The following TEX15 variants were observed in gnomAD, a reference collection of about 807,000 sequenced individuals.
The protein encoded by TEX15 is testis expressed 15, meiosis and synapsis associated.
TEX15 carries 171 observed loss-of-function variants against 237.3 expected under a neutral mutation model. That is an observed-to-expected ratio of 0.72 (90% CI 0.64 to 0.82). The LOEUF (loss-of-function observed/expected upper bound fraction) is 0.82, where lower values mean the gene tolerates loss of function less well. TEX15 is among the 40% of genes least tolerant of loss of function. The pLI is 0.00. For synonymous variants in TEX15, 1,338 were observed against 1,269.8 expected (o/e 1.05, Z -1.14); for missense variants, 3,750 against 3,646.5 (o/e 1.03, Z -0.73).
At chr8:30,901,402 T>C (rs1169675756) in intron 1 of TEX15, among the ~76,000 whole-genome samples, 1 of 152,162 alleles carries the variant, frequency 6.6e-6, no homozygotes, top group Non-Finnish European at 1.5e-5. Context: ...CAGAAGAGTT[T>C]GGAAAAAAGG....
intron 3 of TEX15, among the ~76,000 whole-genome samples, chr8:30,876,957 CTCT>C (rs943111400): frequency 2.0e-5 from 3 of 152,112 alleles, no homozygotes; most frequent in Admixed American, 6.6e-5. Flanking sequence ...CCTTGCTGAG[CTCT>C]TCTTTCTCCT....
intron 7 of TEX15, among the ~76,000 whole-genome samples, chr8:30,854,086 G>GAC (rs772977035): frequency 2.0e-5 from 3 of 151,082 alleles, no homozygotes; most frequent in Admixed American, 6.6e-5. Flanking sequence ...TCCATCTTAA[G>GAC]ACACACACAC....
chr8:30,874,723 G>A (rs927081277), intron 4 of TEX15, among the ~76,000 whole-genome samples: 8 of 152,072 alleles, frequency 5.3e-5, no homozygotes, highest in South Asian at 2.1e-4. Context: ...TTGGAAGGAG[G>A]TGTCTGAAAT....
chr8:30,856,315 A>T (rs1807911414), intron 7 of TEX15, among the ~76,000 whole-genome samples: 1 of 150,428 alleles, frequency 6.6e-6, no homozygotes, highest in Non-Finnish European at 1.5e-5. Flanking sequence ...GCACTTCTGG[A>T]GGCTGAGGCA....
intron 5 of TEX15, 112 bp from the exon 6 acceptor site, chr8:30,860,169 T>C: frequency 1.0e-6 from 1 of 981,962 alleles, no homozygotes; most frequent in Non-Finnish European, 1.4e-6. Context: ...TGAGACAGGG[T>C]CTCACTCTGT....
At chr8:30,882,254 A>G (rs998282609) in intron 3 of TEX15, among the ~76,000 whole-genome samples, 1 of 152,058 alleles carries the variant, frequency 6.6e-6, no homozygotes, top group Non-Finnish European at 1.5e-5. Context: ...TTCTGTTTGC[A>G]TGTTGTCAGA....
chr8:30,835,129 C>T (rs934582291), intron 10 of TEX15, among the ~76,000 whole-genome samples: 1 of 151,886 alleles, frequency 6.6e-6, no homozygotes, highest in Non-Finnish European at 1.5e-5. Context: ...TTTTTTGGGA[C>T]TGGGTCTTCC....
chr8:30,845,517 A>G lies in TEX15; in HGVS notation c.4650T>C (p.Phe1550=). ...AAAACAGATATGCAGTTTTTCCAGA[A>G]AAGGGCTGATGTTCTTCTGATAAAC... ...NPSLSEEHQP[F]SGKTAYLFSP... is the part of the protein sequence containing the mutation. Residue 1550 remains phenylalanine (F), a synonymous_variant, in exon 8 of 11, where the codon TTT becomes TTC. Transcript: ENST00000643185. 1 of 1,613,654 alleles carries G rather than the reference A, an allele frequency of 6.2e-7. No individual in the cohort carries two copies. The highest frequency in any genetic ancestry group is 8.5e-7 in the Non-Finnish European group (1 of 1,179,636).
chr8:30,843,371 C>A lies in TEX15; in HGVS notation c.6796G>T (p.Gly2266Cys), dbSNP rs765643943. The change falls in exon 8 of 11, where the codon GGT becomes TGT. Residue 2266 changes from glycine to cysteine, a missense_variant. Coordinates refer to ENST00000643185, the MANE Select transcript of TEX15 (RefSeq NM_001350162.2). The part of the protein sequence containing the change: ...EAVRVKISLY[G>C]LEHIFFDAAK... The stretch of plus-strand genomic sequence containing the variant: ...GCATCAAAAAAGATATGTTCCAGAC[C>A]ATAAAGAGATATTTTAACACGTACT... 3.7e-6 allele frequency: 6 copies of A among 1,612,758 alleles called. No individual in the cohort carries two copies. The highest frequency in any genetic ancestry group is 5.1e-6 in the Non-Finnish European group (6 of 1,179,636).
At chr8:30,852,342 C>G (rs1451300204) in intron 7 of TEX15, among the ~76,000 whole-genome samples, 1 of 151,962 alleles carries the variant, frequency 6.6e-6, no homozygotes, top group Non-Finnish European at 1.5e-5. Context: ...ATCCGCCCGC[C>G]TTGGCCTCCC....
chr8:30,852,100 CTTT>C (rs910989172), intron 7 of TEX15, among the ~76,000 whole-genome samples: 3,230 of 89,130 alleles, frequency 0.036, 28 homozygotes, highest in Admixed American at 0.096. Context: ...TTAATTTAAT[CTTT>C]TTTTTTTTTT....
Position 30,887,312 on chromosome 8 carries a change from C to T in TEX15, c.-9-1G>A. On this transcript the variant is annotated splice_acceptor_variant, in intron 2 of 10. Transcript: ENST00000643185. LOFTEE classifies it low-confidence loss of function (5UTR_SPLICE). Reference sequence around the variant, plus strand: ...TTTCTTTCATTTCCATTTTGTTGGCCTAAAATCAACCCAAGGTTATTAAGC... The same window carrying T: ...TTTCTTTCATTTCCATTTTGTTGGCTTAAAATCAACCCAAGGTTATTAAGC... 1 of 1,526,598 alleles carries T rather than the reference C, an allele frequency of 6.6e-7. No homozygotes were observed. The highest frequency in any genetic ancestry group is 8.7e-7 in the Non-Finnish European group (1 of 1,143,534). 94.6% of individuals were successfully genotyped at this position (1,526,598 alleles called of 1,614,324 possible). A position where few individuals can be genotyped will look rare whatever the true frequency, so the allele number is the denominator to read the frequency against.
chr8:30,864,236 G>T (rs1808109978), intron 5 of TEX15, among the ~76,000 whole-genome samples: 1 of 149,694 alleles, frequency 6.7e-6, no homozygotes, highest in Non-Finnish European at 1.5e-5. Flanking sequence ...TGATCTTAAA[G>T]ATTGGAAAAC....
At chr8:30,855,062 A>G (rs1300090640) in intron 7 of TEX15, among the ~76,000 whole-genome samples, 1 of 152,154 alleles carries the variant, frequency 6.6e-6, no homozygotes, top group African/African-American at 2.4e-5. Context: ...TCAAGAATAC[A>G]GACAAAGATG....
Position 30,846,402 on chromosome 8 carries a change from A to T in TEX15, c.3765T>A (p.Asn1255Lys). ...CAGTAAACAAAGATTCACTGTTCTGATTTTCAGACGTATGATTCACATCTG... is the reference window on the plus strand; with the variant it reads ...CAGTAAACAAAGATTCACTGTTCTGTTTTTCAGACGTATGATTCACATCTG... ...RNTDVNHTSE[N>K]QNSESLFTEP... The change falls in exon 8 of 11, where the codon AAT becomes AAA. Residue 1255 changes from asparagine to lysine, a missense_variant. Physicochemically the swap from Asn to Lys is moderately conservative, Grantham distance 94. Transcript: ENST00000643185. 1 of 1,613,390 alleles carries T rather than the reference A, an allele frequency of 6.2e-7. No homozygotes were observed. The highest frequency in any genetic ancestry group is 1.3e-5 in the African/African-American group (1 of 75,018).
intron 2 of TEX15, chr8:30,888,600 C>T: frequency 1.6e-6 from 2 of 1,287,014 alleles, no homozygotes; most frequent in Non-Finnish European, 2.0e-6. Context: ...GGAGTATACA[C>T]ACAGGGAAAT....
At chr8:30,864,040 A>T (rs74902145) in intron 5 of TEX15, among the ~76,000 whole-genome samples, 2,800 of 152,200 alleles carry the variant, frequency 0.018, 79 homozygotes, top group African/African-American at 0.059. Flanking sequence ...ACTGTCTTAA[A>T]GATGCTCAAA....
intron 1 of TEX15, among the ~76,000 whole-genome samples, chr8:30,906,594 GAAAAA>G (rs34052778): frequency 1.0e-5 from 1 of 96,150 alleles, no homozygotes; most frequent in Non-Finnish European, 2.5e-5. Context: ...CATCTCAAAA[GAAAAA>G]AAAAAAAAAA....
In TEX15 at chr8:30,843,701, T is replaced by C; in HGVS notation, c.6466A>G (p.Thr2156Ala). The C allele has an allele frequency of 2.5e-6, 4 of 1,612,488 alleles. No homozygotes were observed. The highest frequency in any genetic ancestry group is 3.4e-6 in the Non-Finnish European group (4 of 1,179,386). Residue 2156 changes from threonine to alanine, a missense_variant, in exon 8 of 11, where the codon ACA (threonine) becomes GCA (alanine). Physicochemically the swap from Thr to Ala is moderately conservative, Grantham distance 58. Coordinates refer to ENST00000643185, the MANE Select transcript of TEX15 (RefSeq NM_001350162.2). ...HDQLVELLEE[T>A]KREKNSYYVF... ...TAGTATGAATTCTTTTCCCTTTTTGTTTCTTCAAGCAATTCAACTAATTGA... is the reference window on the plus strand; with the variant it reads ...TAGTATGAATTCTTTTCCCTTTTTGCTTCTTCAAGCAATTCAACTAATTGA...
Sources: allele counts gnomAD v4.1 joint callset (sites outside exome capture counted in the v4.1 genomes callset), GRCh38; gene constraint gnomAD v4.1.1; transcripts MANE v1.5; gene names NCBI Gene and HGNC (gene_info 2026-07-23, HGNC 2026-07-21).